CELF2: variants seen among roughly 807,000 people sequenced by gnomAD.
CELF2 encodes the protein CUGBP Elav-like family member 2, also known as CUG triplet repeat RNA-binding protein 2.
Under a neutral mutation model 62.6 loss-of-function variants are expected in CELF2, and 8 were observed. That is an observed-to-expected ratio of 0.13 (90% CI 0.07 to 0.23). The LOEUF (loss-of-function observed/expected upper bound fraction) is 0.23, where lower values mean the gene tolerates loss of function less well. Among genes scored for constraint, CELF2 ranks in the 10% least tolerant of loss-of-function variants. The probability of loss-of-function intolerance (pLI) is 1.00; values close to 1 mark genes in which losing one functional copy is unlikely to be tolerated. For synonymous variants in CELF2, 258 were observed against 250.0 expected, an observed-to-expected ratio of 1.03 and a Z score of -0.30; for missense variants, 333 against 671.0, an observed-to-expected ratio of 0.50 and a Z score of 5.56.
upstream of CELF2, chr10:11,005,262 GAGAGA>G: frequency 8.1e-7 from 1 of 1,240,056 alleles, no homozygotes; most frequent in East Asian, 2.5e-5. This position sits in a 1 kb window ranked among gnomAD's most constrained non-coding sequence, Gnocchi z 4.3. Flanking sequence ...GAGGGAGAGA[GAGAGA>G]GAGAGAGAGA....
chr10:11,283,461 GTAGA>G (rs1312741311), intron 8 of CELF2, among the ~76,000 whole-genome samples: 1 of 152,204 alleles, frequency 6.6e-6, no homozygotes. Flanking sequence ...TGGATGATGG[GTAGA>G]TAGATGGATG....
chr10:11,001,977 T>A (rs1257841290), upstream of CELF2, among the ~76,000 whole-genome samples: 3 of 152,216 alleles, frequency 2.0e-5, no homozygotes, highest in Non-Finnish European at 4.4e-5. Flanking sequence ...AGTATCCAAG[T>A]CAGAAACTGC....
chr10:10,495,328 T>A, the CELF2 span, among the ~76,000 whole-genome samples: 1 of 152,172 alleles, frequency 6.6e-6, no homozygotes, highest in Non-Finnish European at 1.5e-5. Flanking sequence ...GAGTTCATAT[T>A]ATGTATGGAA....
At chr10:11,189,309 C>T (rs548536789) in intron 2 of CELF2, among the ~76,000 whole-genome samples, 17 of 152,318 alleles carry the variant, frequency 1.1e-4, no homozygotes, top group Non-Finnish European at 2.2e-4. Context: ...TTTACATTCT[C>T]TCTCTTCACA....
At chr10:11,323,846 A>T (rs1178469011) in intron 11 of CELF2, among the ~76,000 whole-genome samples, 4 of 152,194 alleles carry the variant, frequency 2.6e-5, no homozygotes, top group Non-Finnish European at 5.9e-5. Flanking sequence ...TCCCATTTTT[A>T]AAAAAGGTAT....
intron 1 of CELF2, among the ~76,000 whole-genome samples, chr10:11,032,052 G>A (rs138371748): frequency 6.7e-6 from 1 of 150,060 alleles, no homozygotes; most frequent in Non-Finnish European, 1.5e-5. Context: ...AGTTGAGAAA[G>A]TTGGTTGAGG....
At chr10:10,760,353 C>T in the CELF2 span, among the ~76,000 whole-genome samples, 1 of 152,296 alleles carries the variant, frequency 6.6e-6, no homozygotes, top group South Asian at 2.1e-4. Context: ...CTCCATGTGA[C>T]CCAGACTGGC....
chr10:11,196,663 C>T (rs1444071189), intron 2 of CELF2, among the ~76,000 whole-genome samples: 1 of 150,556 alleles, frequency 6.6e-6, no homozygotes, highest in Non-Finnish European at 1.5e-5. Flanking sequence ...AAAAACAAAA[C>T]AAAACAAAAC....
intron 1 of CELF2, among the ~76,000 whole-genome samples, chr10:10,832,595 T>C (rs2057958900): frequency 6.6e-6 from 1 of 152,078 alleles, no homozygotes; most frequent in Admixed American, 6.6e-5. Flanking sequence ...TTGTGAAGGG[T>C]GTGCAGGTGA....
At chr10:10,564,474 T>C in the CELF2 span, among the ~76,000 whole-genome samples, 4 of 152,104 alleles carry the variant, frequency 2.6e-5, no homozygotes, top group Non-Finnish European at 5.9e-5. Flanking sequence ...CCTGTGAAGA[T>C]ATGTTTTACA....
intron 1 of CELF2, among the ~76,000 whole-genome samples, chr10:11,038,507 G>T (rs1468166773): frequency 6.6e-6 from 1 of 152,138 alleles, no homozygotes; most frequent in African/African-American, 2.4e-5. Flanking sequence ...ATTAGACAGT[G>T]ATTACTCTTC....
intron 1 of CELF2, among the ~76,000 whole-genome samples, chr10:11,088,429 T>G (rs1009910498): frequency 6.6e-6 from 1 of 152,046 alleles, no homozygotes; most frequent in East Asian, 1.9e-4. Flanking sequence ...GGCTAGGGGG[T>G]TGGACATTGT....
chr10:10,539,338 T>G, the CELF2 span, among the ~76,000 whole-genome samples: 1 of 152,228 alleles, frequency 6.6e-6, no homozygotes, highest in African/African-American at 2.4e-5. Flanking sequence ...CTGTTTTGTT[T>G]TTACAACTGT....
At chr10:11,122,153 G>C (rs899278673) in intron 1 of CELF2, among the ~76,000 whole-genome samples, 1 of 152,150 alleles carries the variant, frequency 6.6e-6, no homozygotes, top group Non-Finnish European at 1.5e-5. Context: ...TCAATGCATA[G>C]CACTATTCGT....
At chr10:10,805,537 G>C (rs1400327330) in intron 1 of CELF2, among the ~76,000 whole-genome samples, 3 of 152,176 alleles carry the variant, frequency 2.0e-5, no homozygotes, top group Admixed American at 6.5e-5. Context: ...GGAGCTTTAC[G>C]AGGCGGGCAC....
rs1156851549 is a variant in CELF2 at position 11,156,606 on chromosome 10, G to A, written c.75-8880G>A. Among the ~76,000 whole-genome samples the A allele has an allele frequency of 6.6e-6, 1 of 152,090 alleles. No homozygotes were observed. Among genetic ancestry groups the A allele is most frequent in the African/African-American group, 2.4e-5 (1 of 41,402 alleles). On this transcript the variant is annotated intron_variant, in intron 1 of 12. Transcript: ENST00000633077. The surrounding 1 kb of genome is among the most constrained non-coding windows in gnomAD (Gnocchi z 4.3). ...GTTTTACCCCCACTTTAGTCATTGC[G>A]GTATCCCCAGCTCCTTGAATTTGTC...
intron 1 of CELF2, among the ~76,000 whole-genome samples, chr10:11,049,466 G>A (rs146575117): frequency 1.1e-3 from 157 of 144,550 alleles, no homozygotes; most frequent in South Asian, 1.8e-3. Flanking sequence ...GGTCAAGGAC[G>A]TAGTCTGTGA....
At chr10:10,893,893 C>A (rs906921768) in intron 1 of CELF2, among the ~76,000 whole-genome samples, 6 of 152,168 alleles carry the variant, frequency 3.9e-5, no homozygotes, top group African/African-American at 7.2e-5. Flanking sequence ...CTAGGCCCTG[C>A]CTCCAACACT....
intron 1 of CELF2, among the ~76,000 whole-genome samples, chr10:10,830,189 C>A (rs2057729592): frequency 6.7e-6 from 1 of 150,110 alleles, no homozygotes; most frequent in South Asian, 2.1e-4. Context: ...AGTTTCCCCA[C>A]TTAGATATCT....
Sources: gnomAD v4.1 joint callset for allele counts (sites outside exome capture counted in the v4.1 genomes callset) on GRCh38, gnomAD v4.1.1 for gene constraint, Gnocchi (gnomAD v3.1) non-coding constraint, MANE v1.5 for transcripts, NCBI Gene and HGNC (gene_info 2026-07-23, HGNC 2026-07-21) for gene names.